Variants in ATP2C1 observed in about 807,000 individuals in gnomAD.
ATP2C1 encodes calcium-transporting ATPase type 2C member 1.
ATP2C1 carries 31 observed loss-of-function variants against 120.5 expected under a neutral mutation model. That is an observed-to-expected ratio of 0.26 (90% CI 0.19 to 0.35). The LOEUF is 0.35. Among genes scored for constraint, ATP2C1 ranks in the 10% least tolerant of loss-of-function variants. ATP2C1 has a pLI of 1.00. For missense variants in ATP2C1, 731 were observed against 1,107.5 expected, an observed-to-expected ratio of 0.66 and a Z score of 4.83; for synonymous variants, 351 against 358.7, an observed-to-expected ratio of 0.98 and a Z score of 0.24.
At chr3:130,936,742 C>T (rs562425042) in intron 5 of ATP2C1, among the ~76,000 whole-genome samples, 23 of 142,154 alleles carry the variant, frequency 1.6e-4, no homozygotes, top group East Asian at 1.4e-3. Context: ...GCGTGAACCC[C>T]GGAGGCGGAG....
At chr3:130,906,861 C>T (rs77532597) in intron 2 of ATP2C1, among the ~76,000 whole-genome samples, 3,991 of 152,004 alleles carry the variant, frequency 0.026, 186 homozygotes, top group African/African-American at 0.091. Flanking sequence ...ACTCTGACTT[C>T]TAATCTGTTG....
chr3:131,015,032 AGAG>A, intron 26 of ATP2C1: 1 of 518,708 alleles, frequency 1.9e-6, no homozygotes. Context: ...TGGTAACTAA[AGAG>A]GATCCAGTCA....
At chr3:130,943,839 AT>A (rs1369929942) in intron 8 of ATP2C1, among the ~76,000 whole-genome samples, 1 of 152,196 alleles carries the variant, frequency 6.6e-6, no homozygotes, top group Non-Finnish European at 1.5e-5. Flanking sequence ...CTAAATTTAA[AT>A]GTACTGACTT....
At chr3:130,940,770 AT>A in intron 7 of ATP2C1, 79 bp downstream of exon 7, 1 of 1,090,302 alleles carries the variant, frequency 9.2e-7, no homozygotes, top group Non-Finnish European at 1.4e-6. Flanking sequence ...ACATATTGTT[AT>A]CCCCACTTTG....
At chr3:130,915,282 C>T (rs867380596) in intron 2 of ATP2C1, among the ~76,000 whole-genome samples, 6 of 152,082 alleles carry the variant, frequency 3.9e-5, no homozygotes, top group African/African-American at 1.4e-4. Context: ...GTAGTAGAGA[C>T]AGGGTTTTAC....
chr3:130,885,902 CATAG>C (rs1372881047), intron 1 of ATP2C1, among the ~76,000 whole-genome samples: 7 of 152,150 alleles, frequency 4.6e-5, no homozygotes, highest in African/African-American at 1.4e-4. Flanking sequence ...AGGTTTGTTA[CATAG>C]ATAAACACGT....
intron 2 of ATP2C1, among the ~76,000 whole-genome samples, chr3:130,895,150 A>T (rs867693511): frequency 6.6e-6 from 1 of 152,170 alleles, no homozygotes; most frequent in African/African-American, 2.4e-5. Context: ...GCATCTCTGT[A>T]TATTGGCGTT....
intron 8 of ATP2C1, among the ~76,000 whole-genome samples, chr3:130,952,743 G>T (rs1026652147): frequency 6.6e-6 from 1 of 152,178 alleles, no homozygotes; most frequent in Admixed American, 6.5e-5. Flanking sequence ...GTTTCTTACA[G>T]AGTATCCTAA....
At chr3:130,897,890 T>A (rs2107947221) in intron 2 of ATP2C1, among the ~76,000 whole-genome samples, 1 of 152,300 alleles carries the variant, frequency 6.6e-6, no homozygotes, top group South Asian at 2.1e-4. Flanking sequence ...TTTATCCAGA[T>A]CCTTTGGAAT....
chr3:130,963,901 C>G lies in ATP2C1; in HGVS notation c.900-70C>G. The G allele has an allele frequency of 1.9e-6, 3 of 1,589,908 alleles. No homozygotes were observed. The East Asian group carries it at 6.7e-5, about 36-fold the overall frequency. On this transcript the variant is annotated intron_variant, in intron 12 of 27. Coordinates refer to ENST00000510168, the MANE Select transcript of ATP2C1 (RefSeq NM_001378687.1). ...TTGCGTTTTATTAAGCTTTAAGTAA[C>G]ATCCAATTTAAATTTTGCTGTGAGT... is the stretch of plus-strand genomic sequence containing the variant.
At chr3:130,856,016 CT>C (rs2067829894) in intron 1 of ATP2C1, 1 of 151,854 alleles carries the variant, frequency 6.6e-6, no homozygotes, top group Non-Finnish European at 1.5e-5. Context: ...CATTCAAGGG[CT>C]GATCTGACAA....
chr3:131,000,255 G>T (rs878879578), intron 27 of ATP2C1, among the ~76,000 whole-genome samples: 1 of 152,078 alleles, frequency 6.6e-6, no homozygotes, highest in Admixed American at 6.5e-5. Context: ...CCTTTATTGA[G>T]TTCTCAATTT....
In ATP2C1 at chr3:130,850,962, C is replaced by T. The variant is rs537077252; in HGVS notation, c.108+34C>T. ...TTGTTTATATTATCTTTAAAATGAA[C>T]GGGTGCTTGTTCCTTGTTGCTTTTA... is the stretch of plus-strand genomic sequence containing the variant. On this transcript the variant is annotated intron_variant, in intron 1 of 26. Coordinates refer to the ATP2C1 transcript ENST00000504381. 3.6e-5 allele frequency: 42 copies of T among 1,156,174 alleles called. No homozygotes were observed. In the South Asian group the frequency reaches 4.5e-4, roughly 12 times the overall value. 71.6% of individuals were successfully genotyped at this position (1,156,174 alleles called of 1,614,324 possible). A position where few individuals can be genotyped will look rare whatever the true frequency, so the allele number is the denominator to read the frequency against.
rs1482124819 is a variant in ATP2C1 at position 131,001,926 on chromosome 3, G to T, written c.*576G>T. On this transcript the variant is annotated 3_prime_UTR_variant, in exon 28 of 28. Transcript: ENST00000510168. ...AGGATGTGACCACTGTCAGATCACT[G>T]TTCTTTTCTTTCTTTTTGTGATTGA... 2.0e-5 allele frequency: 20 copies of T among 984,384 alleles called. No individual in the cohort carries two copies. Among genetic ancestry groups the T allele is most frequent in the Non-Finnish European group, 2.3e-5 (19 of 828,794 alleles). The allele number at this position is 984,384 out of a possible 1,614,324, so 61.0% of individuals were successfully genotyped here.
At chr3:130,913,141 A>G (rs2108145618) in intron 2 of ATP2C1, among the ~76,000 whole-genome samples, 1 of 150,192 alleles carries the variant, frequency 6.7e-6, no homozygotes, top group Admixed American at 6.6e-5. Flanking sequence ...GATATACCTA[A>G]TGCTAGATGA....
chr3:130,929,564 T>G (rs1299549338), intron 2 of ATP2C1, among the ~76,000 whole-genome samples: 1 of 152,182 alleles, frequency 6.6e-6, no homozygotes, highest in African/African-American at 2.4e-5. Context: ...TTATTTTAAT[T>G]GAGTGGATGT....
intron 1 of ATP2C1, among the ~76,000 whole-genome samples, chr3:130,867,505 T>C (rs2068224220): frequency 6.7e-6 from 1 of 149,074 alleles, no homozygotes; most frequent in African/African-American, 2.5e-5. Flanking sequence ...TTGGCCGGGC[T>C]GGTCTCCAGC....
chr3:130,884,432 T>C (rs551144070), intron 1 of ATP2C1, among the ~76,000 whole-genome samples: 8 of 152,394 alleles, frequency 5.2e-5, no homozygotes, highest in Admixed American at 5.2e-4. Context: ...ACATATGGTC[T>C]GTCCCTGAGA....
At chr3:130,978,531 T>C (rs1416044478) in intron 18 of ATP2C1, among the ~76,000 whole-genome samples, 7 of 152,190 alleles carry the variant, frequency 4.6e-5, no homozygotes, top group Non-Finnish European at 1.0e-4. Context: ...CTTTGTACTA[T>C]ATCTTACATG....
Sources: gnomAD v4.1 joint callset for allele counts (sites outside exome capture counted in the v4.1 genomes callset) on GRCh38, gnomAD v4.1.1 for gene constraint, MANE v1.5 for transcripts, NCBI Gene and HGNC (gene_info 2026-07-23, HGNC 2026-07-21) for gene names.